PTBP3: variants seen among roughly 807,000 people sequenced by gnomAD.
The protein encoded by PTBP3 is polypyrimidine tract-binding protein 3.
In PTBP3, 20 loss-of-function variants were observed where a neutral mutation model predicts 58.7. The observed-to-expected ratio is 0.34, with a 90% CI of 0.24 to 0.50. The LOEUF (loss-of-function observed/expected upper bound fraction) is 0.50, where lower values mean the gene tolerates loss of function less well. Ranked by LOEUF, PTBP3 falls within the 20% of genes least tolerant of loss-of-function variation. The pLI is 0.98. For missense variants in PTBP3, 509 were observed against 637.2 expected, an observed-to-expected ratio of 0.80 and a Z score of 2.17; for synonymous variants, 185 against 219.8, an observed-to-expected ratio of 0.84 and a Z score of 1.40.
intron 1 of PTBP3, among the ~76,000 whole-genome samples, chr9:112,313,402 T>C (rs1217233711): frequency 6.6e-6 from 1 of 152,206 alleles, no homozygotes; most frequent in East Asian, 1.9e-4. Flanking sequence ...TTCTTCAATA[T>C]TTATTCACCA....
chr9:112,310,274 A>C (rs1829421050), intron 1 of PTBP3, among the ~76,000 whole-genome samples: 2 of 152,220 alleles, frequency 1.3e-5, no homozygotes, highest in African/African-American at 4.8e-5. Context: ...AATGATTCTG[A>C]CTGCCTTCAT....
At chr9:112,230,086 G>A (rs1328646361) in intron 10 of PTBP3, among the ~76,000 whole-genome samples, 1 of 152,046 alleles carries the variant, frequency 6.6e-6, no homozygotes, top group Non-Finnish European at 1.5e-5. Context: ...ACACAACTGT[G>A]AATTTACAAA....
At chr9:112,366,392 A>G in the PTBP3 span, among the ~76,000 whole-genome samples, 1 of 152,116 alleles carries the variant, frequency 6.6e-6, no homozygotes, top group African/African-American at 2.4e-5. Context: ...CTCCCATCAC[A>G]GGAGGAAAAA....
intron 2 of PTBP3, among the ~76,000 whole-genome samples, chr9:112,290,707 T>TATACAC (rs377603008): frequency 5.4e-5 from 6 of 110,922 alleles, no homozygotes; most frequent in Admixed American, 2.0e-4. Context: ...TATATATATA[T>TATACAC]ACACACACAC....
At chr9:112,252,956 A>G (rs1234261632) in intron 5 of PTBP3, among the ~76,000 whole-genome samples, 168 bp from the exon 6 acceptor site, 1 of 152,228 alleles carries the variant, frequency 6.6e-6, no homozygotes, top group Non-Finnish European at 1.5e-5. Context: ...ACCCATGACT[A>G]TCTTACAACA....
chr9:112,301,451 A>T (rs1430893641), intron 1 of PTBP3, among the ~76,000 whole-genome samples: 1 of 43,710 alleles, frequency 2.3e-5, no homozygotes, highest in Non-Finnish European at 3.9e-5. Context: ...GTTTTCTGAA[A>T]AAAAGAAAAA....
intron 8 of PTBP3, among the ~76,000 whole-genome samples, chr9:112,233,935 A>ACAG (rs1268061068): frequency 3.0e-5 from 2 of 67,106 alleles, no homozygotes; most frequent in Non-Finnish European, 2.7e-5. Flanking sequence ...CTGTCTCACA[A>ACAG]CAACAACAAA....
At chr9:112,324,738 C>T (rs1410405359) in intron 1 of PTBP3, among the ~76,000 whole-genome samples, 1 of 150,846 alleles carries the variant, frequency 6.6e-6, no homozygotes, top group Non-Finnish European at 1.5e-5. Flanking sequence ...CTATTAAGCA[C>T]ATAAAAAACT....
At chr9:112,378,134 C>T in the PTBP3 span, among the ~76,000 whole-genome samples, 2 of 152,142 alleles carry the variant, frequency 1.3e-5, no homozygotes, top group African/African-American at 4.8e-5. Context: ...TCACCTCTAG[C>T]ATTAATCTAA....
chr9:112,350,306 T>C, the PTBP3 span, among the ~76,000 whole-genome samples: 1 of 151,746 alleles, frequency 6.6e-6, no homozygotes, highest in South Asian at 2.1e-4. Context: ...CCTCAAAATC[T>C]CACAAATCAC....
At chr9:112,319,796 T>A (rs1390330116) in intron 1 of PTBP3, among the ~76,000 whole-genome samples, 1 of 152,154 alleles carries the variant, frequency 6.6e-6, no homozygotes, top group Admixed American at 6.5e-5. Context: ...AGTGGATGAA[T>A]GGATAAACAA....
At chr9:112,322,839 T>A (rs1008791758) in intron 1 of PTBP3, among the ~76,000 whole-genome samples, 1 of 152,236 alleles carries the variant, frequency 6.6e-6, no homozygotes, top group Admixed American at 6.5e-5. Flanking sequence ...TGTTTTTCAG[T>A]TGCTATGGAC....
In PTBP3 at chr9:112,297,810, TAAAAA is replaced by T; in HGVS notation, c.34+17_34+21del. 1 of 1,169,286 alleles carries T rather than the reference TAAAAA, an allele frequency of 8.6e-7. No homozygotes were observed. The allele number at this position is 1,169,286 out of a possible 1,614,324, so 72.4% of individuals were successfully genotyped here. The stretch of plus-strand genomic sequence containing the variant: ...TTTGAAACCCACAGAAATCAAATAT[TAAAAA>T]AAAAAAAAAAACTCACCATACACAC... On this transcript the variant is annotated intron_variant, in intron 2 of 13. Transcript: ENST00000374257.
At chr9:112,231,768 C>G (rs539346362) in intron 9 of PTBP3, among the ~76,000 whole-genome samples, 113 of 151,348 alleles carry the variant, frequency 7.5e-4, no homozygotes, top group African/African-American at 2.5e-3. Flanking sequence ...ATTAGCCAGG[C>G]GTGGTAGTGG....
chr9:112,279,891 A>G (rs1403780504), intron 2 of PTBP3, among the ~76,000 whole-genome samples: 1 of 135,556 alleles, frequency 7.4e-6, no homozygotes, highest in East Asian at 2.1e-4. Context: ...AGTACTTCAT[A>G]ATTTTTAATG....
At chr9:112,230,217 T>C (rs1401872896) in intron 10 of PTBP3, among the ~76,000 whole-genome samples, 1 of 151,620 alleles carries the variant, frequency 6.6e-6, no homozygotes, top group Non-Finnish European at 1.5e-5. Context: ...TCCCAGCTAC[T>C]TGGAAGGCTG....
At chr9:112,334,650 G>A (rs966743389), upstream of PTBP3, among the ~76,000 whole-genome samples, 4 of 152,172 alleles carry the variant, frequency 2.6e-5, no homozygotes, top group African/African-American at 9.7e-5. Context: ...CATTTGAAAA[G>A]CAACTAACAA....
chr9:112,323,462 A>C (rs1002659705), intron 1 of PTBP3, among the ~76,000 whole-genome samples: 3 of 152,204 alleles, frequency 2.0e-5, no homozygotes, highest in African/African-American at 7.2e-5. Context: ...ATTGGCCTCT[A>C]TGCACATCAG....
upstream of PTBP3, among the ~76,000 whole-genome samples, chr9:112,335,583 G>A (rs1282773499): frequency 1.5e-5 from 2 of 130,850 alleles, no homozygotes; most frequent in Non-Finnish European, 3.2e-5. Flanking sequence ...CGCACCCAGC[G>A]ACCTTTACCA....
Sources: allele counts gnomAD v4.1 joint callset (sites outside exome capture counted in the v4.1 genomes callset), GRCh38; gene constraint gnomAD v4.1.1; transcripts MANE v1.5; gene names NCBI Gene and HGNC (gene_info 2026-07-23, HGNC 2026-07-21).